The following NRXN3 variants were observed in gnomAD, a reference collection of about 807,000 sequenced individuals.
NRXN3 encodes neurexin 3.
A neutral mutation model predicts 137.6 loss-of-function variants in NRXN3; 32 were observed. That is an observed-to-expected ratio of 0.23 (90% CI 0.18 to 0.31). The LOEUF is 0.31. NRXN3 is among the 10% of genes least tolerant of loss of function. NRXN3 has a pLI of 1.00. For synonymous variants in NRXN3, 798 were observed against 784.5 expected, an observed-to-expected ratio of 1.02 and a Z score of -0.29; for missense variants, 1,574 against 2,062.5, an observed-to-expected ratio of 0.76 and a Z score of 4.59.
intron 8 of NRXN3, among the ~76,000 whole-genome samples, chr14:78,722,922 G>A (rs1226597686): frequency 2.6e-5 from 4 of 152,070 alleles, no homozygotes; most frequent in Non-Finnish European, 4.4e-5. Flanking sequence ...AGATCTCCCC[G>A]GCAGACCAGG....
At chr14:78,271,898 C>T (rs1235012215) in intron 2 of NRXN3, among the ~76,000 whole-genome samples, 1 of 152,148 alleles carries the variant, frequency 6.6e-6, no homozygotes, top group East Asian at 1.9e-4. Context: ...TTGAAGAGCT[C>T]AGACACTGAG....
chr14:78,708,443 C>A (rs2098377665), intron 6 of NRXN3: 1 of 152,130 alleles, frequency 6.6e-6, no homozygotes, highest in Non-Finnish European at 1.5e-5. Flanking sequence ...AAAATAAAAA[C>A]AAAAACAGAC....
At chr14:79,452,431 A>G (rs753531126) in intron 15 of NRXN3, among the ~76,000 whole-genome samples, 9 of 152,306 alleles carry the variant, frequency 5.9e-5, no homozygotes, top group Middle Eastern at 3.4e-3. Context: ...GTACTATTGA[A>G]TCAATGCTAA....
intron 15 of NRXN3, among the ~76,000 whole-genome samples, chr14:79,337,813 T>C (rs1470126572): frequency 6.6e-6 from 1 of 152,164 alleles, no homozygotes; most frequent in Non-Finnish European, 1.5e-5. Flanking sequence ...TAGAGAAATG[T>C]AGGCTCTTGA....
At chr14:78,890,152 G>C (rs773774118) in intron 10 of NRXN3, among the ~76,000 whole-genome samples, 2 of 151,952 alleles carry the variant, frequency 1.3e-5, no homozygotes, top group African/African-American at 4.8e-5. Context: ...AATTTCTGTT[G>C]TTTTAAGCCA....
intron 8 of NRXN3, among the ~76,000 whole-genome samples, chr14:78,789,418 C>T (rs2153047409): frequency 6.6e-6 from 1 of 152,204 alleles, no homozygotes; most frequent in Admixed American, 6.5e-5. Flanking sequence ...GGGAGTGCCA[C>T]AGATATCTAG....
chr14:78,367,768 A>G (rs963189068), intron 4 of NRXN3, among the ~76,000 whole-genome samples: 7 of 152,162 alleles, frequency 4.6e-5, no homozygotes, highest in Admixed American at 6.5e-5. Context: ...TTCTGATTTC[A>G]TTTAGATTTC....
chr14:78,425,840 T>A (rs1054394304), intron 4 of NRXN3, among the ~76,000 whole-genome samples: 8 of 152,174 alleles, frequency 5.3e-5, no homozygotes, highest in Non-Finnish European at 1.0e-4. Flanking sequence ...TTTATTTAGC[T>A]GAGGAACTGC....
chr14:79,061,784 T>C (rs1180606591), intron 15 of NRXN3, among the ~76,000 whole-genome samples: 1 of 152,110 alleles, frequency 6.6e-6, no homozygotes, highest in African/African-American at 2.4e-5. Context: ...ACCCTCACCA[T>C]TGGAGAAGAA....
intron 10 of NRXN3, among the ~76,000 whole-genome samples, chr14:78,935,579 A>G (rs1597591708): frequency 1.3e-5 from 2 of 152,318 alleles, no homozygotes; most frequent in Middle Eastern, 6.8e-3. Context: ...TGTTTCGAGA[A>G]TATTGACAAG....
intron 15 of NRXN3, among the ~76,000 whole-genome samples, chr14:79,395,625 G>C (rs141971841): frequency 1.3e-5 from 2 of 151,992 alleles, no homozygotes; most frequent in African/African-American, 2.4e-5. Flanking sequence ...TGGCTAACAT[G>C]GTGAAACCCC....
At chr14:78,298,352 G>C (rs1354659390) in intron 4 of NRXN3, among the ~76,000 whole-genome samples, 1 of 152,202 alleles carries the variant, frequency 6.6e-6, no homozygotes, top group East Asian at 1.9e-4. Context: ...GTCAAAGGAA[G>C]CCCTTGTGGG....
At chr14:78,926,387 T>A (rs1332470869) in intron 10 of NRXN3, among the ~76,000 whole-genome samples, 3 of 151,442 alleles carry the variant, frequency 2.0e-5, no homozygotes, top group African/African-American at 7.3e-5. Flanking sequence ...ATTTAATATT[T>A]TTGGACTGAA....
At chr14:79,693,865 A>G (rs558106311) in intron 18 of NRXN3, among the ~76,000 whole-genome samples, 1 of 152,062 alleles carries the variant, frequency 6.6e-6, no homozygotes, top group South Asian at 2.1e-4. Context: ...TAAATCTGAA[A>G]AGAATTATTT....
At chr14:79,097,721 A>G (rs1302973917) in intron 15 of NRXN3, among the ~76,000 whole-genome samples, 2 of 152,170 alleles carry the variant, frequency 1.3e-5, no homozygotes, top group Non-Finnish European at 2.9e-5. Flanking sequence ...TATATCTTAT[A>G]TAAGTTTAGA....
chr14:79,061,105 G>C (rs929841492), intron 15 of NRXN3, among the ~76,000 whole-genome samples: 4 of 152,160 alleles, frequency 2.6e-5, no homozygotes, highest in Non-Finnish European at 1.5e-5. Context: ...ATGGTCTACA[G>C]TCAGAAGGAG....
chr14:79,188,737 G>A (rs943643907), intron 15 of NRXN3, among the ~76,000 whole-genome samples: 1 of 152,200 alleles, frequency 6.6e-6, no homozygotes, highest in Non-Finnish European at 1.5e-5. Context: ...GACATGAACA[G>A]ACACTTCTCA....
intron 15 of NRXN3, among the ~76,000 whole-genome samples, chr14:79,070,516 G>C (rs981457615): frequency 3.3e-5 from 5 of 152,088 alleles, no homozygotes; most frequent in Admixed American, 6.5e-5. Context: ...CAATATTCCA[G>C]CCACATGCAG....
At chr14:78,441,305 A>G (rs552266520) in intron 4 of NRXN3, among the ~76,000 whole-genome samples, 11 of 152,082 alleles carry the variant, frequency 7.2e-5, no homozygotes, top group African/African-American at 2.4e-4. Context: ...CTTCTTCTAA[A>G]TATGTCTTTT....
Sources: gnomAD v4.1 joint callset for allele counts (sites outside exome capture counted in the v4.1 genomes callset) on GRCh38, gnomAD v4.1.1 for gene constraint, MANE v1.5 for transcripts, NCBI Gene and HGNC (gene_info 2026-07-23, HGNC 2026-07-21) for gene names.